The following COL15A1 variants were observed in gnomAD, a reference collection of about 807,000 sequenced individuals.
COL15A1 encodes the protein collagen alpha-1(XV) chain.
Under a neutral mutation model 165.9 loss-of-function variants are expected in COL15A1, and 111 were observed. That is an observed-to-expected ratio of 0.67 (90% CI 0.57 to 0.78). The LOEUF (loss-of-function observed/expected upper bound fraction) is 0.78. Ranked by LOEUF, COL15A1 falls within the 30% of genes least tolerant of loss-of-function variation. COL15A1 has a pLI of 0.00. For missense variants in COL15A1, 1,745 were observed against 1,789.7 expected, an observed-to-expected ratio of 0.98 and a Z score of 0.45; for synonymous variants, 659 against 674.8, an observed-to-expected ratio of 0.98 and a Z score of 0.36.
chr9:98,993,221 C>T (rs1361099729), intron 5 of COL15A1, among the ~76,000 whole-genome samples: 1 of 152,228 alleles, frequency 6.6e-6, no homozygotes, highest in Non-Finnish European at 1.5e-5. Context: ...AATGCTTGGA[C>T]AGTGCCTGTT....
chr9:98,955,719 C>T (rs10988347), intron 2 of COL15A1, among the ~76,000 whole-genome samples: 3,612 of 152,312 alleles, frequency 0.024, 241 homozygotes, highest in Admixed American at 0.14. Flanking sequence ...AAGTTACAAC[C>T]ATTTCATCTC....
intron 2 of COL15A1, among the ~76,000 whole-genome samples, chr9:98,971,711 A>C (rs917116579): frequency 5.3e-5 from 8 of 152,224 alleles, no homozygotes; most frequent in African/African-American, 1.9e-4. Flanking sequence ...CACTGCGGCT[A>C]ACTGCTGCCA....
chr9:99,006,131 A>T (rs986622343), intron 9 of COL15A1, among the ~76,000 whole-genome samples: 1 of 152,094 alleles, frequency 6.6e-6, no homozygotes, highest in African/African-American at 2.4e-5. Context: ...ATTCTAGCTT[A>T]TCCTTTAGAA....
At chr9:98,987,670 A>G (rs1838339346) in intron 4 of COL15A1, among the ~76,000 whole-genome samples, 2 of 152,164 alleles carry the variant, frequency 1.3e-5, no homozygotes, top group African/African-American at 4.8e-5. Context: ...CAAAGTTAAA[A>G]CTGAGATATT....
chr9:99,042,210 A>T (rs1373979035), intron 24 of COL15A1, 103 bp downstream of exon 24: 2 of 795,718 alleles, frequency 2.5e-6, no homozygotes, highest in Non-Finnish European at 4.2e-6. Context: ...TTTGAGATAC[A>T]ATTCACATGC....
intron 2 of COL15A1, among the ~76,000 whole-genome samples, chr9:98,955,557 T>C (rs1284607400): frequency 6.6e-6 from 1 of 152,208 alleles, no homozygotes; most frequent in Non-Finnish European, 1.5e-5. Flanking sequence ...TATGTGCGCC[T>C]CCAGCCACAC....
intron 12 of COL15A1, 84 bp downstream of exon 12, chr9:99,020,526 T>G: frequency 1.0e-6 from 1 of 967,286 alleles, no homozygotes; most frequent in East Asian, 2.4e-5. Context: ...TTTAGCCCAC[T>G]CTGATCAAGG....
At chr9:98,963,317 A>T (rs10120744) in intron 2 of COL15A1, among the ~76,000 whole-genome samples, 1 of 152,042 alleles carries the variant, frequency 6.6e-6, no homozygotes, top group Non-Finnish European at 1.5e-5. Flanking sequence ...CCCACTGGGA[A>T]CCTGAGGCCT....
intron 5 of COL15A1, among the ~76,000 whole-genome samples, chr9:98,992,297 C>T (rs988628770): frequency 2.6e-4 from 39 of 152,246 alleles, no homozygotes; most frequent in African/African-American, 8.2e-4. Flanking sequence ...CAGTGCGGGC[C>T]GGTCGGCAGT....
intron 2 of COL15A1, 150 bp from the exon 3 acceptor site, chr9:98,985,415 G>C (rs1838290914): frequency 1.3e-6 from 1 of 763,508 alleles, no homozygotes; most frequent in Non-Finnish European, 2.0e-6. Flanking sequence ...GTGGGTCGTT[G>C]TCAAAACGTT....
At chr9:98,961,220 T>C (rs1837860715) in intron 2 of COL15A1, among the ~76,000 whole-genome samples, 1 of 152,202 alleles carries the variant, frequency 6.6e-6, no homozygotes. Context: ...GGGCAGAAAA[T>C]GAAAAGCAAG....
chr9:98,958,194 T>C (rs946386870), intron 2 of COL15A1, among the ~76,000 whole-genome samples: 2 of 152,258 alleles, frequency 1.3e-5, no homozygotes, highest in African/African-American at 2.4e-5. Flanking sequence ...ACTGTACCTC[T>C]CTGGGCCTCA....
intron 22 of COL15A1, among the ~76,000 whole-genome samples, chr9:99,039,050 A>G (rs1839355131): frequency 6.6e-6 from 1 of 152,096 alleles, no homozygotes; most frequent in Non-Finnish European, 1.5e-5. Flanking sequence ...ACATTATCTT[A>G]TTTCATAGTA....
At chr9:99,047,037 A>G (rs775336896) in intron 26 of COL15A1, among the ~76,000 whole-genome samples, 1 of 152,242 alleles carries the variant, frequency 6.6e-6, no homozygotes, top group Non-Finnish European at 1.5e-5. Context: ...TCTGGGAGAC[A>G]CAGCAGACCC....
At chr9:99,042,010 C>T (rs200889311) in intron 23 of COL15A1, 35 bp from the exon 24 acceptor site, 71 of 1,415,976 alleles carry the variant, frequency 5.0e-5, no homozygotes, top group East Asian at 3.9e-4. Flanking sequence ...TTAATCTTAA[C>T]GAACAACCAA....
At chr9:99,041,096 G>A (rs968061943) in intron 23 of COL15A1, 7 of 156,324 alleles carry the variant, frequency 4.5e-5, no homozygotes, top group Admixed American at 1.2e-4. Context: ...CTCTGCAGGA[G>A]AGCCTCCAGG....
At chr9:99,020,626 C>T (rs1839010555) in intron 12 of COL15A1, among the ~76,000 whole-genome samples, 184 bp downstream of exon 12, 2 of 152,228 alleles carry the variant, frequency 1.3e-5, no homozygotes, top group African/African-American at 2.4e-5. Context: ...GCAGTTCTGA[C>T]TGAGTCTCTT....
chr9:98,998,459 G>A (rs1044350001), intron 6 of COL15A1, among the ~76,000 whole-genome samples: 9 of 152,166 alleles, frequency 5.9e-5, no homozygotes, highest in African/African-American at 2.4e-5. Flanking sequence ...AATACTGCCC[G>A]CTGGGGAGAG....
intron 16 of COL15A1, among the ~76,000 whole-genome samples, chr9:99,029,925 CAA>C (rs11330165): frequency 6.0e-4 from 67 of 111,564 alleles, no homozygotes; most frequent in African/African-American, 7.6e-4. Flanking sequence ...AACTCCATCT[CAA>C]AAAAAAAAAA....
Sources: gnomAD v4.1 joint callset for allele counts (sites outside exome capture counted in the v4.1 genomes callset) on GRCh38, gnomAD v4.1.1 for gene constraint, MANE v1.5 for transcripts, NCBI Gene and HGNC (gene_info 2026-07-23, HGNC 2026-07-21) for gene names.